Variants in SH3BP4 observed in about 807,000 individuals in gnomAD.
The protein encoded by SH3BP4 is SH3 domain binding protein 4, also known as SH3 domain-binding protein 4.
Under a neutral mutation model 65.5 loss-of-function variants are expected in SH3BP4, and 33 were observed. The observed-to-expected ratio is 0.50, with a 90% confidence interval of 0.38 to 0.67. The LOEUF is 0.67. Among genes scored for constraint, SH3BP4 ranks in the 30% least tolerant of loss-of-function variants. SH3BP4 has a pLI of 0.00. For synonymous variants in SH3BP4, 552 were observed against 545.5 expected (o/e 1.01, Z -0.17); for missense variants, 1,134 against 1,261.4 (o/e 0.90, Z 1.53).
In SH3BP4 at chr2:235,017,969, C is replaced by G. The variant is rs575208261; in HGVS notation, c.-132-16902C>G. Among the ~76,000 whole-genome samples, 16 of 152,246 alleles carry G rather than the reference C, an allele frequency of 1.1e-4. No homozygotes were observed. In the Middle Eastern group the frequency reaches 0.01, roughly 97 times the overall value. ...CTAGTGTCTTGGGTCCTATCAACAC[C>G]ACCTACATAAACATTCTGTACGGAA... On this transcript the variant is annotated intron_variant, in intron 2 of 5. Transcript: ENST00000392011.
At chr2:235,006,241 T>A (rs975106096) in intron 2 of SH3BP4, among the ~76,000 whole-genome samples, 16 of 152,222 alleles carry the variant, frequency 1.1e-4, no homozygotes, top group South Asian at 6.2e-4. Context: ...CGGGCTTTGT[T>A]CCGCGAGGAT....
chr2:234,978,154 C>G lies in SH3BP4; in HGVS notation c.-206-17149C>G, dbSNP rs1375298561. Among the ~76,000 whole-genome samples, 1 of 151,968 alleles carries G rather than the reference C, an allele frequency of 6.6e-6. No homozygotes were observed. Among genetic ancestry groups the G allele is most frequent in the Non-Finnish European group, 1.5e-5 (1 of 68,010 alleles). On this transcript the variant is annotated intron_variant, in intron 1 of 5. Transcript: ENST00000392011. This position sits in a 1 kb window ranked among gnomAD's most constrained non-coding sequence, Gnocchi z 4.1. ...ATTTTTTAGTAGAGAAGGGGTTTCA[C>G]CATGTTGGCCAGGCTGGAATCGAAC...
intron 2 of SH3BP4, among the ~76,000 whole-genome samples, chr2:235,000,600 G>A (rs919222523): frequency 3.3e-5 from 5 of 152,198 alleles, no homozygotes; most frequent in South Asian, 4.1e-4. Context: ...CATGGAGGAC[G>A]TCAAGCCGCG....
chr2:235,051,187 G>A (rs551408057), intron 4 of SH3BP4, among the ~76,000 whole-genome samples: 2 of 152,300 alleles, frequency 1.3e-5, no homozygotes, highest in East Asian at 1.9e-4. Flanking sequence ...AGAGCCACAC[G>A]CTAACCATGT....
intron 1 of SH3BP4, among the ~76,000 whole-genome samples, chr2:234,958,189 T>C (rs1222642603): frequency 1.3e-5 from 2 of 152,168 alleles, no homozygotes; most frequent in Non-Finnish European, 2.9e-5. Context: ...CCAAGGACCA[T>C]AGCTGAACAC....
In SH3BP4 at chr2:235,052,842, C is replaced by T. The variant is rs867053795; in HGVS notation, c.2667+92C>T. On this transcript the variant is annotated intron_variant, in intron 5 of 5. Transcript: ENST00000392011. This position sits in a 1 kb window ranked among gnomAD's most constrained non-coding sequence, Gnocchi z 5.0. ...TGCAGCCATAAAAAGTCTTGCCTCG[C>T]GGCATTTCTGTGAGGGTGCAACAGG... is the stretch of plus-strand genomic sequence containing the variant. The T allele has an allele frequency of 2.7e-5, 34 of 1,276,952 alleles. No homozygotes were observed. The highest frequency in any genetic ancestry group is 1.3e-4 in the African/African-American group (9 of 67,188). The allele number at this position is 1,276,952 out of a possible 1,614,324, so 79.1% of individuals were successfully genotyped here.
In SH3BP4 at chr2:234,952,657, G is replaced by A. The variant is rs1692499721; in HGVS notation, c.-207+487G>A. ...CGAGCGGCGCTGGGGAGGAGGGAAG[G>A]ACGCGCGGTCTCCGGTTAAACTTGT... On this transcript the variant is annotated intron_variant, in intron 1 of 5. Transcript: ENST00000392011. This position sits in a 1 kb window ranked among gnomAD's most constrained non-coding sequence, Gnocchi z 6.5. 6.6e-6 allele frequency: 1 copy of A among 152,214 alleles called. No homozygotes were observed. The highest frequency in any genetic ancestry group is 1.9e-4 in the East Asian group (1 of 5,166). The allele number at this position is 152,214 out of a possible 1,614,324, so 9.4% of individuals were successfully genotyped here. A position where few individuals can be genotyped will look rare whatever the true frequency, so the allele number is the denominator to read the frequency against.
Position 234,977,584 on chromosome 2 carries a change from C to T in SH3BP4, c.-206-17719C>T, listed in dbSNP as rs1462868791. The stretch of plus-strand genomic sequence containing the variant: ...GACTGGCAGGTGTTGGACCTGTGGC[C>T]GTGGTGCCAGCCCCCACTAATCCCA... On this transcript the variant is annotated intron_variant, in intron 1 of 5. Transcript: ENST00000392011. This position sits in a 1 kb window ranked among gnomAD's most constrained non-coding sequence, Gnocchi z 5.1. Among the ~76,000 whole-genome samples, 3 of 152,072 alleles carry T rather than the reference C, an allele frequency of 2.0e-5. No individual in the cohort carries two copies. Among genetic ancestry groups the T allele is most frequent in the South Asian group, 2.1e-4 (1 of 4,828 alleles).
chr2:235,050,392 C>G (rs1696010698), intron 4 of SH3BP4, among the ~76,000 whole-genome samples: 1 of 152,064 alleles, frequency 6.6e-6, no homozygotes, highest in Admixed American at 6.5e-5. Flanking sequence ...GCTGGGATTA[C>G]AGGCGTGAGC....
In SH3BP4 at chr2:235,052,477, C is replaced by T; in HGVS notation, c.2479-85C>T. The T allele has an allele frequency of 8.9e-7, 1 of 1,127,254 alleles. No homozygotes were observed. Among genetic ancestry groups the T allele is most frequent in the Non-Finnish European group, 1.2e-6 (1 of 813,082 alleles). The allele number at this position is 1,127,254 out of a possible 1,614,324, so 69.8% of individuals were successfully genotyped here. A position where few individuals can be genotyped will look rare whatever the true frequency, so the allele number is the denominator to read the frequency against. ...GAGAATAGAGAGCCCATGGCCATTC[C>T]TGCGCCGTCTGCTGGAATTCTGCGG... On this transcript the variant is annotated intron_variant, in intron 4 of 5. Transcript: ENST00000392011. The surrounding 1 kb of genome is among the most constrained non-coding windows in gnomAD (Gnocchi z 5.0).
intron 1 of SH3BP4, among the ~76,000 whole-genome samples, chr2:234,970,881 G>T (rs1692981229): frequency 6.6e-6 from 1 of 152,004 alleles, no homozygotes; most frequent in Non-Finnish European, 1.5e-5. Context: ...TGTTCTGTAG[G>T]TTATCACGCC....
At position 235,035,073 on chromosome 2, in the gene SH3BP4, T is replaced by C. The variant is rs754115192; in HGVS notation, c.71T>C (p.Ile24Thr). The part of the protein sequence containing the change: ...LPRCKSEGTL[I>T]DLSEGFSETS... Reference sequence around the variant, plus strand: ...CGCTGCAAGTCAGAGGGGACCCTGATTGACCTGAGCGAAGGGTTTTCAGAG... The same window carrying C: ...CGCTGCAAGTCAGAGGGGACCCTGACTGACCTGAGCGAAGGGTTTTCAGAG... Residue 24 changes from isoleucine to threonine, a missense_variant, in exon 3 of 6, where the codon ATT becomes ACT. Transcript: ENST00000392011. This position sits in a 1 kb window ranked among gnomAD's most constrained non-coding sequence, Gnocchi z 5.0. The C allele has an allele frequency of 6.2e-6, 10 of 1,614,032 alleles. No homozygotes were observed. In the East Asian group the frequency reaches 1.6e-4, roughly 25 times the overall value.
chr2:234,980,943 G>T (rs1693358465), intron 1 of SH3BP4, among the ~76,000 whole-genome samples: 1 of 152,132 alleles, frequency 6.6e-6, no homozygotes. Flanking sequence ...AGGCTGGAGT[G>T]CAGTGGCGCA....
chr2:234,955,992 C>T (rs1252166443), intron 1 of SH3BP4, among the ~76,000 whole-genome samples: 2 of 152,168 alleles, frequency 1.3e-5, no homozygotes, highest in African/African-American at 2.4e-5. Flanking sequence ...AAGAAACAAA[C>T]GGCTCTCAGT....
intron 1 of SH3BP4, among the ~76,000 whole-genome samples, chr2:234,956,289 A>C (rs1692584179): frequency 6.6e-6 from 1 of 152,216 alleles, no homozygotes; most frequent in African/African-American, 2.4e-5. Flanking sequence ...GTTTGGGCAC[A>C]TGGGGTCACT....
At chr2:235,050,338 C>T (rs1441810786) in intron 4 of SH3BP4, among the ~76,000 whole-genome samples, 2 of 152,034 alleles carry the variant, frequency 1.3e-5, no homozygotes, top group Non-Finnish European at 2.9e-5. Context: ...AGGATGGTCT[C>T]GATCTCCTGA....
chr2:235,053,636 T>G lies in SH3BP4; in HGVS notation c.2712T>G (p.His904Gln), dbSNP rs1383087369. The change falls in exon 6 of 6, where the codon CAT (histidine) becomes CAG (glutamine). Residue 904 changes from histidine (H) to glutamine (Q), a missense_variant. Transcript: ENST00000392011. ...PAYDFLLTWS[H>Q]QIGDSYRDVI... Reference sequence around the variant, plus strand: ...ATGACTTCTTACTCACCTGGAGCCATCAGATCGGGGACAGCTACCGGGATG... The same window carrying G: ...ATGACTTCTTACTCACCTGGAGCCAGCAGATCGGGGACAGCTACCGGGATG... 3 of 1,614,126 alleles carry G rather than the reference T, an allele frequency of 1.9e-6. No homozygotes were observed. The highest frequency in any genetic ancestry group is 2.5e-6 in the Non-Finnish European group (3 of 1,180,036).
rs192134845 is a variant in SH3BP4, at chr2:234,972,193, G to A, written c.-207+20023G>A. 5.2e-3 allele frequency among the ~76,000 whole-genome samples: 782 copies of A among 150,228 alleles called. 5 individuals are homozygous for A. The highest frequency in any genetic ancestry group is 0.018 in the African/African-American group (746 of 40,634). On this transcript the variant is annotated intron_variant, in intron 1 of 5. Coordinates refer to ENST00000392011, the MANE Select transcript of SH3BP4 (RefSeq NM_014521.3). ...GTCGCCCAGGCTGGAGGGCAGTGGC[G>A]CCATCTTGGCTCACTGCAACCTCTG...
chr2:235,043,921 A>G (rs936848708), intron 4 of SH3BP4, among the ~76,000 whole-genome samples: 6 of 152,262 alleles, frequency 3.9e-5, no homozygotes, highest in Non-Finnish European at 8.8e-5. Flanking sequence ...AGAGCATTCC[A>G]GTTACTTTTC....
Sources: allele counts gnomAD v4.1 joint callset (sites outside exome capture counted in the v4.1 genomes callset), GRCh38; gene constraint gnomAD v4.1.1; non-coding constraint Gnocchi (gnomAD v3.1); transcripts MANE v1.5; gene names NCBI Gene and HGNC (gene_info 2026-07-23, HGNC 2026-07-21).